Variants in CTBP2 observed in about 807,000 individuals in gnomAD.
The protein encoded by CTBP2 is C-terminal binding protein 2, also known as C-terminal-binding protein 2.
A neutral mutation model predicts 80.3 loss-of-function variants in CTBP2; 30 were observed. The ratio of observed to expected loss-of-function variants is 0.37; its 90% CI spans 0.28 to 0.51. The LOEUF is 0.51. Among genes scored for constraint, CTBP2 ranks in the 20% least tolerant of loss-of-function variants. The pLI, the probability that CTBP2 is intolerant of heterozygous loss-of-function variation, is 0.93. For missense variants in CTBP2, 1,212 were observed against 1,375.3 expected, an observed-to-expected ratio of 0.88 and a Z score of 1.88; for synonymous variants, 594 against 587.4, an observed-to-expected ratio of 1.01 and a Z score of -0.16.
chr10:125,064,537 G>A (rs1455672482), intron 2 of CTBP2, among the ~76,000 whole-genome samples: 3 of 151,980 alleles, frequency 2.0e-5, no homozygotes, highest in Non-Finnish European at 2.9e-5. Context: ...AGAATTTCAG[G>A]TACATGAAAA....
chr10:125,139,396 A>AAAT (rs1291840734), intron 1 of CTBP2, among the ~76,000 whole-genome samples: 1 of 144,034 alleles, frequency 6.9e-6, no homozygotes, highest in Non-Finnish European at 1.5e-5. Context: ...AAAAAAAAAA[A>AAAT]GATGGTAGCT....
chr10:125,095,024 G>C (rs1005204569), intron 2 of CTBP2, among the ~76,000 whole-genome samples: 2 of 152,128 alleles, frequency 1.3e-5, no homozygotes, highest in Admixed American at 1.3e-4. Flanking sequence ...GCGCTGTCCT[G>C]CGGATGCTGA....
intron 1 of CTBP2, among the ~76,000 whole-genome samples, chr10:125,142,717 G>A (rs867494163): frequency 1.8e-4 from 27 of 152,214 alleles, no homozygotes; most frequent in African/African-American, 6.0e-4. Flanking sequence ...AATCCTCTGC[G>A]GCCCCCAAGA....
intron 2 of CTBP2, among the ~76,000 whole-genome samples, chr10:125,085,145 C>A (rs891370425): frequency 6.6e-6 from 1 of 152,194 alleles, no homozygotes; most frequent in African/African-American, 2.4e-5. Context: ...GACACCAATA[C>A]ATCAGCAGGA....
intron 2 of CTBP2, among the ~76,000 whole-genome samples, chr10:125,058,342 T>A (rs1291788681): frequency 6.6e-6 from 1 of 152,142 alleles, no homozygotes; most frequent in Non-Finnish European, 1.5e-5. Flanking sequence ...ACAAGATGCC[T>A]CCTGGGCACC....
At position 125,087,075 on chromosome 10, in the gene CTBP2, CTTTTTT is replaced by C. The variant is rs564770474; in HGVS notation, c.-102+23909_-102+23914del. Among the ~76,000 whole-genome samples, 3 of 136,554 alleles carry C rather than the reference CTTTTTT, an allele frequency of 2.2e-5. No individual in the cohort carries two copies. The East Asian group carries it at 6.4e-4, about 29-fold the overall frequency. The allele number at this position is 136,554 out of a possible 152,430, so 89.6% of individuals were successfully genotyped here. ...AAAGGAAAATTTGGGCAATTTCTTT[CTTTTTT>C]TTTTTTTTTTTGAGACAGAGTCTCG... On this transcript the variant is annotated intron_variant, in intron 2 of 10. Transcript: ENST00000337195.
intron 2 of CTBP2, among the ~76,000 whole-genome samples, chr10:125,083,898 G>A (rs1274216489): frequency 6.6e-6 from 1 of 152,154 alleles, no homozygotes; most frequent in Admixed American, 6.5e-5. Context: ...TCCTGCCTCA[G>A]CTTCCCGAGT....
upstream of CTBP2, among the ~76,000 whole-genome samples, chr10:125,028,247 A>G (rs1957857983): frequency 6.6e-6 from 1 of 152,188 alleles, no homozygotes; most frequent in Non-Finnish European, 1.5e-5. Context: ...TCCCTCTTCC[A>G]AGCACCAGGG....
At chr10:125,105,172 G>A (rs745316962) in intron 2 of CTBP2, among the ~76,000 whole-genome samples, 24 of 151,990 alleles carry the variant, frequency 1.6e-4, no homozygotes, top group Non-Finnish European at 3.1e-4. Flanking sequence ...TCTGGAGATG[G>A]GGTCTCCCTC....
intron 2 of CTBP2, among the ~76,000 whole-genome samples, chr10:125,050,978 G>C (rs1324940190): frequency 6.6e-6 from 1 of 152,206 alleles, no homozygotes; most frequent in African/African-American, 2.4e-5. Context: ...CATGAATACA[G>C]TCACCTATGT....
intron 2 of CTBP2, among the ~76,000 whole-genome samples, chr10:125,061,782 C>G (rs1041590017): frequency 3.3e-5 from 5 of 152,156 alleles, no homozygotes; most frequent in Non-Finnish European, 7.3e-5. Context: ...ACGGTCACTG[C>G]AACTGTCACA....
intron 1 of CTBP2, among the ~76,000 whole-genome samples, chr10:125,012,083 C>CA (rs1328374926): frequency 6.6e-6 from 1 of 152,236 alleles, no homozygotes; most frequent in Non-Finnish European, 1.5e-5. Context: ...GGGACATCAC[C>CA]AAAAACGGCG....
At chr10:125,038,934 G>T in intron 3 of CTBP2, 63 bp downstream of exon 3, 2 of 1,535,970 alleles carry the variant, frequency 1.3e-6, no homozygotes, top group Admixed American at 1.7e-5. Context: ...CAAGGGAGCA[G>T]CCAGCGAAGA....
At chr10:125,124,904 C>G (rs1482996886) in intron 1 of CTBP2, among the ~76,000 whole-genome samples, 1 of 152,184 alleles carries the variant, frequency 6.6e-6, no homozygotes, top group Admixed American at 6.5e-5. Context: ...CCTTCTGAAT[C>G]AAGAATGTAT....
At chr10:125,015,898 T>C (rs1295475301) in intron 1 of CTBP2, among the ~76,000 whole-genome samples, 1 of 152,152 alleles carries the variant, frequency 6.6e-6, no homozygotes, top group Non-Finnish European at 1.5e-5. Flanking sequence ...GCGTGTCCAG[T>C]GTGGACACAC....
At chr10:125,087,256 G>C (rs1848129168) in intron 2 of CTBP2, among the ~76,000 whole-genome samples, 1 of 151,750 alleles carries the variant, frequency 6.6e-6, no homozygotes, top group African/African-American at 2.4e-5. Flanking sequence ...ATTTTTAGTA[G>C]AGACGGGGTT....
intron 1 of CTBP2, among the ~76,000 whole-genome samples, chr10:125,119,950 T>C (rs538128114): frequency 1.5e-4 from 23 of 152,348 alleles, no homozygotes; most frequent in Non-Finnish European, 3.1e-4. Context: ...TGTAAGTCCC[T>C]GCGTGGCTGC....
chr10:125,112,405 G>A (rs1465085504), intron 1 of CTBP2, among the ~76,000 whole-genome samples: 3 of 145,008 alleles, frequency 2.1e-5, no homozygotes, highest in Non-Finnish European at 3.0e-5. Context: ...GAGCCACCGC[G>A]CCCAGCCATC....
chr10:125,047,801 C>T (rs988738983), intron 2 of CTBP2, among the ~76,000 whole-genome samples: 2 of 152,032 alleles, frequency 1.3e-5, no homozygotes, highest in African/African-American at 2.4e-5. Context: ...AAGATTTAAT[C>T]CTCCTAACTT....
Sources: allele counts gnomAD v4.1 joint callset (sites outside exome capture counted in the v4.1 genomes callset), GRCh38; gene constraint gnomAD v4.1.1; transcripts MANE v1.5; gene names NCBI Gene and HGNC (gene_info 2026-07-23, HGNC 2026-07-21).